DPP4: variants seen among roughly 807,000 people sequenced by gnomAD.
DPP4 encodes dipeptidyl peptidase 4, also known as ADCP-2.
Under a neutral mutation model 122.4 loss-of-function variants are expected in DPP4, and 93 were observed. The observed-to-expected ratio is 0.76, with a 90% CI of 0.64 to 0.90. DPP4 has a LOEUF of 0.90. Ranked by LOEUF, DPP4 falls within the 40% of genes least tolerant of loss-of-function variation. DPP4 has a pLI of 0.00. For synonymous variants in DPP4, 321 were observed against 302.9 expected (o/e 1.06, Z -0.62); for missense variants, 914 against 907.3 (o/e 1.01, Z -0.09).
At chr2:162,020,093 T>A (rs771364743) in intron 14 of DPP4, 136 bp downstream of exon 14, 6 of 726,524 alleles carry the variant, frequency 8.3e-6, no homozygotes, top group Non-Finnish European at 1.1e-5. Flanking sequence ...TTCCGTATGT[T>A]AAAAAGAAAA....
intron 14 of DPP4, among the ~76,000 whole-genome samples, chr2:162,019,763 T>C (rs570775668): frequency 6.6e-6 from 1 of 152,216 alleles, no homozygotes; most frequent in African/African-American, 2.4e-5. Flanking sequence ...TAAAGAATCA[T>C]AAAAGTGCCT....
chr2:162,061,299 C>T lies in DPP4; in HGVS notation c.94+12100G>A, dbSNP rs562823897. Among the ~76,000 whole-genome samples, 5 of 152,302 alleles carry T rather than the reference C, an allele frequency of 3.3e-5. No homozygotes were observed. In the East Asian group the frequency reaches 9.6e-4, roughly 29 times the overall value. ...TTAAAGAAATACTTACCTGATCCTG[C>T]TGCATCCCCAAGCCATCTGGACAAA... On this transcript the variant is annotated intron_variant, in intron 2 of 25. Transcript: ENST00000360534.
At chr2:162,012,303 G>A (rs1048429699) in intron 19 of DPP4, among the ~76,000 whole-genome samples, 2 of 151,930 alleles carry the variant, frequency 1.3e-5, no homozygotes, top group African/African-American at 4.8e-5. Context: ...AGTTAAGAAG[G>A]GGGAGTTGTG....
intron 5 of DPP4, among the ~76,000 whole-genome samples, chr2:162,042,533 CTT>C (rs1421738962): frequency 1.3e-5 from 2 of 151,832 alleles, no homozygotes; most frequent in Admixed American, 6.6e-5. Flanking sequence ...TCAAATTAGA[CTT>C]TTCTTTTTTC....
intron 13 of DPP4, 86 bp downstream of exon 13, chr2:162,020,495 C>A: frequency 9.0e-7 from 1 of 1,105,550 alleles, no homozygotes; most frequent in Non-Finnish European, 1.3e-6. Context: ...CACATTGATC[C>A]ACCTTACCAA....
intron 23 of DPP4, among the ~76,000 whole-genome samples, chr2:162,001,229 A>T (rs538211524): frequency 6.6e-6 from 1 of 152,322 alleles, no homozygotes; most frequent in East Asian, 1.9e-4. Context: ...ATTAAACCTG[A>T]TAACCCATGT....
rs915460032 is a variant in DPP4, at chr2:162,047,505, G to A, written c.95-4C>T. ...CTGTCAGCTGTAGCATCATCTGCTG[G>A]TTGAAAGAAAGAGCCAAATGTTCAT... On this transcript the variant is annotated splice_region_variant and splice_polypyrimidine_tract_variant and intron_variant, in intron 2 of 25. Coordinates refer to ENST00000360534, the MANE Select transcript of DPP4 (RefSeq NM_001935.4). 6.4e-7 allele frequency: 1 copy of A among 1,552,970 alleles called. No individual in the cohort carries two copies. The highest frequency in any genetic ancestry group is 1.2e-5 in the South Asian group (1 of 82,086).
intron 2 of DPP4, among the ~76,000 whole-genome samples, chr2:162,047,773 C>T (rs1018316749): frequency 6.6e-6 from 1 of 151,944 alleles, no homozygotes; most frequent in Admixed American, 6.6e-5. Flanking sequence ...TCAGCTATGT[C>T]CTATAGAAAT....
chr2:162,009,166 T>C (rs1466353638), intron 21 of DPP4, 75 bp downstream of exon 21: 10 of 1,462,540 alleles, frequency 6.8e-6, no homozygotes, highest in Non-Finnish European at 9.6e-6. Flanking sequence ...AATATGTATA[T>C]ACAAAAGATA....
At chr2:162,006,959 TGAA>T (rs1701298036) in intron 22 of DPP4, among the ~76,000 whole-genome samples, 1 of 152,112 alleles carries the variant, frequency 6.6e-6, no homozygotes, top group African/African-American at 2.4e-5. Flanking sequence ...TAACACTTTT[TGAA>T]TGACTGGTAT....
In DPP4 at chr2:162,035,222, G is replaced by A. The variant is rs1683727348; in HGVS notation, c.716C>T (p.Ser239Phe). The change falls in exon 9 of 26, where the codon TCC becomes TTC. Residue 239 changes from serine to phenylalanine, a missense_variant. By Grantham distance (155) the Ser-to-Phe change is radical. Coordinates refer to ENST00000360534, the MANE Select transcript of DPP4 (RefSeq NM_001935.4). The part of the protein sequence containing the change: ...NDTEVPLIEY[S>F]FYSDESLQYP... ...CTGCAGTGACTCATCAGAGTAGAAG[G>A]AGTATTCAATAAGTGGGACTTCTGT... The A allele has an allele frequency of 3.1e-6, 5 of 1,613,908 alleles. No homozygotes were observed. The highest frequency in any genetic ancestry group is 2.5e-6 in the Non-Finnish European group (3 of 1,179,966).
chr2:162,011,951 G>A lies in DPP4; in HGVS notation c.1674C>T (p.Val558=). ...AGPCSQKADT[V]FRLNWATYLA... is the part of the protein sequence containing the mutation. ...GGTAAGTGGCCCAGTTCAGTCTGAAGACAGTGTCTGCTTTTTGACTACATG... is the reference window on the plus strand; with the variant it reads ...GGTAAGTGGCCCAGTTCAGTCTGAAAACAGTGTCTGCTTTTTGACTACATG... Residue 558 remains valine, a synonymous_variant, in exon 20 of 26, where the codon GTC becomes GTT. Coordinates refer to ENST00000360534, the MANE Select transcript of DPP4 (RefSeq NM_001935.4). The A allele has an allele frequency of 6.2e-7, 1 of 1,613,642 alleles. No homozygotes were observed. The highest frequency in any genetic ancestry group is 8.5e-7 in the Non-Finnish European group (1 of 1,179,670).
intron 7 of DPP4, 149 bp from the exon 8 acceptor site, chr2:162,038,571 T>C: frequency 5.8e-6 from 5 of 864,872 alleles, no homozygotes; most frequent in Non-Finnish European, 8.7e-6. Context: ...TCCTTCCCTC[T>C]CATTCTTAAA....
intron 2 of DPP4, 112 bp from the exon 3 acceptor site, chr2:162,047,613 A>C: frequency 1.6e-6 from 1 of 608,514 alleles, no homozygotes; most frequent in Non-Finnish European, 2.7e-6. Flanking sequence ...AAATTCAGAA[A>C]TATACTCACA....
At chr2:162,022,499 A>G (rs1683166556) in intron 12 of DPP4, among the ~76,000 whole-genome samples, 2 of 152,140 alleles carry the variant, frequency 1.3e-5, no homozygotes, top group Non-Finnish European at 2.9e-5. Flanking sequence ...GGGAGTTACA[A>G]CTTGCCAGGA....
At chr2:162,016,061 G>C (rs1682914633) in intron 18 of DPP4, among the ~76,000 whole-genome samples, 1 of 152,120 alleles carries the variant, frequency 6.6e-6, no homozygotes, top group Non-Finnish European at 1.5e-5. Flanking sequence ...ATACTTTCCT[G>C]TGCTTTTCCT....
At chr2:162,042,064 G>T (rs1168902067) in intron 5 of DPP4, among the ~76,000 whole-genome samples, 3 of 152,144 alleles carry the variant, frequency 2.0e-5, no homozygotes, top group Admixed American at 6.6e-5. Flanking sequence ...GAGTAAAAGA[G>T]CATCATAGCA....
At chr2:161,997,812 C>G (rs961748253) in intron 23 of DPP4, among the ~76,000 whole-genome samples, 1 of 152,160 alleles carries the variant, frequency 6.6e-6, no homozygotes, top group Non-Finnish European at 1.5e-5. Flanking sequence ...ATGGAGGCAC[C>G]AAGACTCAGA....
intron 2 of DPP4, among the ~76,000 whole-genome samples, chr2:162,050,531 A>G (rs531308449): frequency 6.6e-6 from 1 of 152,238 alleles, no homozygotes; most frequent in South Asian, 2.1e-4. Context: ...AGCCCAGGAC[A>G]TCCCTGCAAG....
Sources: gnomAD v4.1 joint callset for allele counts (sites outside exome capture counted in the v4.1 genomes callset) on GRCh38, gnomAD v4.1.1 for gene constraint, MANE v1.5 for transcripts, NCBI Gene and HGNC (gene_info 2026-07-23, HGNC 2026-07-21) for gene names.